The following EPHA6 variants were observed in gnomAD, a reference collection of about 807,000 sequenced individuals.
The protein encoded by EPHA6 is ephrin type-A receptor 6.
EPHA6 carries 50 observed loss-of-function variants against 112.0 expected under a neutral mutation model. The ratio of observed to expected loss-of-function variants is 0.45; its 90% CI spans 0.36 to 0.56. The LOEUF (loss-of-function observed/expected upper bound fraction) is 0.56, where lower values mean the gene tolerates loss of function less well. Ranked by LOEUF, EPHA6 falls within the 20% of genes least tolerant of loss-of-function variation. The pLI is 0.00. For missense variants in EPHA6, 1,280 were observed against 1,417.4 expected (o/e 0.90, Z 1.56); for synonymous variants, 529 against 490.7 (o/e 1.08, Z -1.03).
At chr3:97,084,790 TG>T (rs2046842191) in intron 3 of EPHA6, among the ~76,000 whole-genome samples, 1 of 152,088 alleles carries the variant, frequency 6.6e-6, no homozygotes, top group Non-Finnish European at 1.5e-5. Flanking sequence ...GCTCATGGAT[TG>T]GAAGACTCAA....
intron 3 of EPHA6, among the ~76,000 whole-genome samples, chr3:97,091,674 G>T (rs1358432479): frequency 6.6e-6 from 1 of 152,036 alleles, no homozygotes; most frequent in Non-Finnish European, 1.5e-5. Flanking sequence ...TATTTGTGGT[G>T]ATTAAAGGGA....
chr3:96,959,790 C>T (rs915906439), intron 2 of EPHA6, among the ~76,000 whole-genome samples: 36 of 150,866 alleles, frequency 2.4e-4, no homozygotes, highest in African/African-American at 7.6e-4. Context: ...AAAATCAAAA[C>T]GAAACATAGA....
At chr3:97,056,188 A>T (rs1481446863) in intron 3 of EPHA6, among the ~76,000 whole-genome samples, 3 of 152,188 alleles carry the variant, frequency 2.0e-5, no homozygotes, top group African/African-American at 7.2e-5. Flanking sequence ...TAGACAATAC[A>T]GCATCGCAAA....
chr3:96,851,611 T>C (rs2107373330), intron 1 of EPHA6, among the ~76,000 whole-genome samples: 1 of 152,210 alleles, frequency 6.6e-6, no homozygotes, highest in Admixed American at 6.5e-5. Flanking sequence ...TGTGCATTAG[T>C]TTAAGGAGAC....
chr3:97,663,488 C>G (rs2094183804), intron 14 of EPHA6, among the ~76,000 whole-genome samples: 1 of 133,108 alleles, frequency 7.5e-6, no homozygotes, highest in Non-Finnish European at 1.6e-5. Flanking sequence ...TCCCCCCTCC[C>G]CCCACCCCAC....
At chr3:97,434,406 G>C (rs780589935) in intron 6 of EPHA6, among the ~76,000 whole-genome samples, 7 of 152,078 alleles carry the variant, frequency 4.6e-5, no homozygotes, top group Non-Finnish European at 7.4e-5. Context: ...AGTATGTCCT[G>C]TGTAAACTTT....
intron 2 of EPHA6, among the ~76,000 whole-genome samples, chr3:96,983,332 G>T (rs1362865715): frequency 6.6e-6 from 1 of 152,154 alleles, no homozygotes; most frequent in Admixed American, 6.5e-5. Context: ...GGCTGGATAT[G>T]AAATTCTGGG....
chr3:96,917,462 T>G (rs1046991820), intron 2 of EPHA6, among the ~76,000 whole-genome samples: 9 of 151,742 alleles, frequency 5.9e-5, no homozygotes, highest in Non-Finnish European at 1.2e-4. Flanking sequence ...ATTATAGTTT[T>G]TATTTCTCTC....
intron 6 of EPHA6, among the ~76,000 whole-genome samples, chr3:97,433,949 A>C (rs1275528093): frequency 1.3e-5 from 2 of 152,108 alleles, no homozygotes; most frequent in Admixed American, 1.3e-4. Flanking sequence ...GGCCATGGAG[A>C]AAATCCTTTA....
At chr3:97,598,386 G>T (rs1223395876) in intron 12 of EPHA6, among the ~76,000 whole-genome samples, 3 of 147,378 alleles carry the variant, frequency 2.0e-5, no homozygotes, top group East Asian at 2.1e-4. Context: ...TCTAGCATTA[G>T]GTATATCTCC....
intron 3 of EPHA6, among the ~76,000 whole-genome samples, chr3:97,091,691 C>A (rs2047070978): frequency 6.6e-6 from 1 of 152,006 alleles, no homozygotes; most frequent in Non-Finnish European, 1.5e-5. Context: ...GGGAGAATGA[C>A]CACATTCTAT....
intron 2 of EPHA6, among the ~76,000 whole-genome samples, chr3:96,868,343 A>G (rs575439050): frequency 2.4e-4 from 36 of 151,948 alleles, no homozygotes; most frequent in Non-Finnish European, 4.3e-4. Context: ...ACTTAATGCT[A>G]TTTATAGGTT....
At chr3:96,823,492 T>C (rs1447219522) in intron 1 of EPHA6, among the ~76,000 whole-genome samples, 1 of 150,366 alleles carries the variant, frequency 6.7e-6, no homozygotes, top group African/African-American at 2.4e-5. Context: ...AAACTTTTTT[T>C]AATATTAAAA....
intron 3 of EPHA6, among the ~76,000 whole-genome samples, chr3:97,162,499 C>T (rs1226385692): frequency 6.6e-6 from 1 of 152,150 alleles, no homozygotes; most frequent in Non-Finnish European, 1.5e-5. Context: ...CCATAAGCCC[C>T]TACTCTAACT....
At chr3:96,897,211 A>AAC (rs57409609) in intron 2 of EPHA6, among the ~76,000 whole-genome samples, 7,140 of 143,316 alleles carry the variant, frequency 0.05, 203 homozygotes, top group Admixed American at 0.072. Flanking sequence ...TGTATATACA[A>AAC]ACACACACAC....
chr3:96,930,606 T>C lies in EPHA6; in HGVS notation c.451-56724T>C, dbSNP rs115559318. Among the ~76,000 whole-genome samples, 939 of 152,222 alleles carry C rather than the reference T, an allele frequency of 6.2e-3. 20 individuals carry two copies. The highest frequency in any genetic ancestry group is 5.4e-3 in the Non-Finnish European group (366 of 68,012). On this transcript the variant is annotated intron_variant, in intron 2 of 17. Coordinates refer to ENST00000389672, the MANE Select transcript of EPHA6 (RefSeq NM_001080448.3). ...CCATCCCAGGGGAGTACTAATTCAT[T>C]TCCAGCCTGAACATGCCTGTAGGAG... is the stretch of plus-strand genomic sequence containing the variant.
intron 3 of EPHA6, among the ~76,000 whole-genome samples, chr3:97,107,527 TC>T (rs1698735903): frequency 6.6e-6 from 1 of 152,230 alleles, no homozygotes; most frequent in Admixed American, 6.5e-5. Flanking sequence ...AAGCCTGTTT[TC>T]TCTAACTTCC....
chr3:96,958,260 A>T (rs1390517686), intron 2 of EPHA6, among the ~76,000 whole-genome samples: 1 of 151,778 alleles, frequency 6.6e-6, no homozygotes, highest in East Asian at 1.9e-4. Context: ...ATTGCACTCC[A>T]GCCTGGATGA....
At chr3:97,191,293 T>C (rs530867526) in intron 3 of EPHA6, among the ~76,000 whole-genome samples, 1 of 152,196 alleles carries the variant, frequency 6.6e-6, no homozygotes, top group African/African-American at 2.4e-5. Context: ...CATCACCTCA[T>C]GTATTTATCA....
Sources: gnomAD v4.1 joint callset for allele counts (sites outside exome capture counted in the v4.1 genomes callset) on GRCh38, gnomAD v4.1.1 for gene constraint, MANE v1.5 for transcripts, NCBI Gene and HGNC (gene_info 2026-07-23, HGNC 2026-07-21) for gene names.